AGBL1: variants seen among roughly 807,000 people sequenced by gnomAD.
The protein encoded by AGBL1 is AGBL carboxypeptidase 1.
In AGBL1, 130 loss-of-function variants were observed where a neutral mutation model predicts 118.9. That is an observed-to-expected ratio of 1.09 (90% confidence interval 0.95 to 1.26). AGBL1 has a LOEUF of 1.26. Among genes scored for constraint, AGBL1 ranks in the 50% most tolerant of loss-of-function variants. AGBL1 has a pLI of 0.00. For missense variants in AGBL1, 1,584 were observed against 1,298.1 expected, an observed-to-expected ratio of 1.22 and a Z score of -3.38; for synonymous variants, 555 against 478.9, an observed-to-expected ratio of 1.16 and a Z score of -2.08.
At chr15:86,251,765 T>C (rs1365142109) in intron 7 of AGBL1, among the ~76,000 whole-genome samples, 11 of 151,718 alleles carry the variant, frequency 7.3e-5, no homozygotes. Flanking sequence ...AATGGAATCT[T>C]ATTGGAGCTT....
chr15:86,292,706 C>T (rs2079566641), intron 16 of AGBL1, among the ~76,000 whole-genome samples: 1 of 151,952 alleles, frequency 6.6e-6, no homozygotes, highest in Admixed American at 6.6e-5. Context: ...TAAGGATCAC[C>T]AAGTAATGGT....
At chr15:86,798,517 T>C (rs2078605443) in intron 22 of AGBL1, among the ~76,000 whole-genome samples, 1 of 152,094 alleles carries the variant, frequency 6.6e-6, no homozygotes, top group Admixed American at 6.6e-5. Flanking sequence ...TTACTAAGAT[T>C]GGTTAGTAAC....
intron 18 of AGBL1, among the ~76,000 whole-genome samples, chr15:86,494,735 C>T (rs1002253476): frequency 2.6e-5 from 4 of 151,992 alleles, no homozygotes; most frequent in Non-Finnish European, 5.9e-5. Flanking sequence ...AGATGTCATC[C>T]TTTACTCTAG....
Position 86,605,502 on chromosome 15 carries a change from TG to T in AGBL1, c.2994+50967del, listed in dbSNP as rs767488073. Among the ~76,000 whole-genome samples, 119 of 152,214 alleles carry T rather than the reference TG, an allele frequency of 7.8e-4. 2 individuals are homozygous for T. The Middle Eastern group carries it at 0.01, about 13-fold the overall frequency. On this transcript the variant is annotated intron_variant, in intron 21 of 22. Coordinates refer to ENST00000614907, the MANE Select transcript of AGBL1 (RefSeq NM_001386094.1). ...CATTAACTTCTACATTGAGGGAAATTGGTATGGAGGATGATGGTGCAACTGG... is the reference window on the plus strand; with the variant it reads ...CATTAACTTCTACATTGAGGGAAATTGTATGGAGGATGATGGTGCAACTGG...
intron 22 of AGBL1, among the ~76,000 whole-genome samples, chr15:86,761,454 GGGAATACAAATGTA>G (rs1293504445): frequency 6.6e-6 from 1 of 151,996 alleles, no homozygotes; most frequent in Non-Finnish European, 1.5e-5. Flanking sequence ...TGAAAAATGC[GGGAATACAAATGTA>G]GGTACAGGGA....
At chr15:86,407,161 T>G (rs1441894219) in intron 18 of AGBL1, among the ~76,000 whole-genome samples, 1 of 152,202 alleles carries the variant, frequency 6.6e-6, no homozygotes, top group African/African-American at 2.4e-5. Flanking sequence ...TTATTTTCAT[T>G]TTTTATATTT....
chr15:86,462,185 T>C (rs2082342785), intron 18 of AGBL1, among the ~76,000 whole-genome samples: 1 of 152,212 alleles, frequency 6.6e-6, no homozygotes, highest in Admixed American at 6.5e-5. Flanking sequence ...AGAAAGCGTA[T>C]GACCTTTCTG....
At chr15:86,938,645 C>A (rs1388613808) in intron 23 of AGBL1, among the ~76,000 whole-genome samples, 1 of 152,154 alleles carries the variant, frequency 6.6e-6, no homozygotes, top group East Asian at 1.9e-4. Context: ...ATATCTCTCT[C>A]TCAGGGGTTG....
rs569870843 is a variant in AGBL1 at position 86,334,423 on chromosome 15, C to T, written c.2374+39015C>T. On this transcript the variant is annotated intron_variant, in intron 17 of 22. Transcript: ENST00000614907. ...AAGAACACAATCCAATTTAAATTAG[C>T]CACAAAATACTACCTAGGAATACGT... is the stretch of plus-strand genomic sequence containing the variant. 3.9e-5 allele frequency among the ~76,000 whole-genome samples: 6 copies of T among 152,082 alleles called. No individual in the cohort carries two copies. The South Asian group carries it at 8.3e-4, about 21-fold the overall frequency.
chr15:86,262,502 A>C (rs28374758), intron 9 of AGBL1: 1 of 434,202 alleles, frequency 2.3e-6, no homozygotes, highest in Non-Finnish European at 4.3e-6. Context: ...GTGCTTTATC[A>C]ATTATGTAGT....
At chr15:86,313,698 A>G (rs548142186) in intron 17 of AGBL1, among the ~76,000 whole-genome samples, 1 of 152,334 alleles carries the variant, frequency 6.6e-6, no homozygotes, top group Admixed American at 6.5e-5. Flanking sequence ...TTTATGAATT[A>G]TTGACTTCAA....
At chr15:86,455,760 T>C (rs1479758860) in intron 18 of AGBL1, among the ~76,000 whole-genome samples, 1 of 152,166 alleles carries the variant, frequency 6.6e-6, no homozygotes, top group African/African-American at 2.4e-5. Flanking sequence ...ATCATCATTG[T>C]CTTATCTTTG....
At chr15:86,146,485 G>A (rs2077035201) in intron 3 of AGBL1, among the ~76,000 whole-genome samples, 1 of 152,186 alleles carries the variant, frequency 6.6e-6, no homozygotes, top group South Asian at 2.1e-4. Flanking sequence ...GACACTGAGG[G>A]ATGACTCTAC....
intron 23 of AGBL1, among the ~76,000 whole-genome samples, chr15:86,977,922 A>T (rs1431494100): frequency 2.0e-5 from 3 of 152,152 alleles, no homozygotes; most frequent in African/African-American, 4.8e-5. Flanking sequence ...CAGAAGAATC[A>T]TTCTACTCCT....
intron 17 of AGBL1, among the ~76,000 whole-genome samples, chr15:86,350,405 G>T (rs1371302061): frequency 6.6e-6 from 1 of 152,188 alleles, no homozygotes; most frequent in African/African-American, 2.4e-5. Context: ...ACAAATCAAA[G>T]AAAGGTGATG....
At chr15:86,561,919 G>A (rs921737466) in intron 21 of AGBL1, among the ~76,000 whole-genome samples, 2 of 152,090 alleles carry the variant, frequency 1.3e-5, no homozygotes, top group African/African-American at 4.8e-5. Context: ...TGAAGCAATT[G>A]TGAATGGGAG....
chr15:86,956,097 T>C (rs1318167688), intron 23 of AGBL1, among the ~76,000 whole-genome samples: 2 of 152,196 alleles, frequency 1.3e-5, no homozygotes, highest in Non-Finnish European at 2.9e-5. Flanking sequence ...AATTATAGAC[T>C]ATTAATGGGT....
intron 17 of AGBL1, among the ~76,000 whole-genome samples, chr15:86,309,794 T>G (rs1362030395): frequency 6.6e-6 from 1 of 152,174 alleles, no homozygotes; most frequent in African/African-American, 2.4e-5. Flanking sequence ...TTGATCATGG[T>G]GTATGATGTT....
chr15:86,295,419 T>C lies in AGBL1; in HGVS notation c.2374+11T>C, dbSNP rs753519313. On this transcript the variant is annotated intron_variant, in intron 17 of 22. Transcript: ENST00000614907. The stretch of plus-strand genomic sequence containing the variant: ...ATCTAGAGCAGTTCCGTGAGTAAAA[T>C]GGGATCCTCTTCGTAGAAGATTTGA... 3.2e-6 allele frequency: 5 copies of C among 1,543,896 alleles called. No homozygotes were observed. The Admixed American group carries it at 6.3e-5, about 19-fold the overall frequency.
Sources: gnomAD v4.1 joint callset for allele counts (sites outside exome capture counted in the v4.1 genomes callset) on GRCh38, gnomAD v4.1.1 for gene constraint, MANE v1.5 for transcripts, NCBI Gene and HGNC (gene_info 2026-07-23, HGNC 2026-07-21) for gene names.